Variants in AANAT observed in about 807,000 individuals in gnomAD.
AANAT encodes the protein aralkylamine N-acetyltransferase, also known as serotonin N-acetyltransferase.
Under a neutral mutation model 15.6 loss-of-function variants are expected in AANAT, and 11 were observed. The observed-to-expected ratio is 0.71, with a 90% CI of 0.44 to 1.17. The LOEUF (loss-of-function observed/expected upper bound fraction) is 1.17. Among genes scored for constraint, AANAT ranks in the 50% most tolerant of loss-of-function variants. The probability of loss-of-function intolerance (pLI) is 0.00; values close to 1 mark genes in which losing one functional copy is unlikely to be tolerated. For synonymous variants in AANAT, 139 were observed against 131.5 expected, an observed-to-expected ratio of 1.06 and a Z score of -0.39; for missense variants, 286 against 296.3, an observed-to-expected ratio of 0.97 and a Z score of 0.26.
intron 1 of AANAT, among the ~76,000 whole-genome samples, chr17:76,468,257 A>C (rs73998903): frequency 0.025 from 3,751 of 152,234 alleles, 59 homozygotes; most frequent in African/African-American, 0.036. Flanking sequence ...CCGGGCGCCC[A>C]CCCACTGCAC....
chr17:76,468,288 G>A (rs1228643874), intron 1 of AANAT, among the ~76,000 whole-genome samples: 1 of 152,192 alleles, frequency 6.6e-6, no homozygotes, highest in Non-Finnish European at 1.5e-5. Context: ...GACGTGGTCA[G>A]TGGAGGGTCA....
chr17:76,458,481 A>G (rs544132674), intron 1 of AANAT, among the ~76,000 whole-genome samples: 2 of 152,352 alleles, frequency 1.3e-5, no homozygotes, highest in Non-Finnish European at 2.9e-5. Context: ...ACCCTCTCTT[A>G]TCATGGCCCC....
chr17:76,462,669 G>C (rs1373402337), upstream of AANAT, among the ~76,000 whole-genome samples: 2 of 152,174 alleles, frequency 1.3e-5, no homozygotes, highest in Non-Finnish European at 2.9e-5. Flanking sequence ...ATCCCCCGGG[G>C]AGCCTGCCAC....
intron 1 of AANAT, among the ~76,000 whole-genome samples, chr17:76,455,891 T>G (rs1436627468): frequency 6.6e-6 from 1 of 152,148 alleles, no homozygotes; most frequent in Non-Finnish European, 1.5e-5. Context: ...CGCATGCTTG[T>G]AGTCCCAGCT....
At chr17:76,461,980 C>G (rs12946216) in intron 2 of AANAT, among the ~76,000 whole-genome samples, 1 of 151,956 alleles carries the variant, frequency 6.6e-6, no homozygotes, top group South Asian at 2.1e-4. Flanking sequence ...GAAGCGGGAG[C>G]CATCCAGGGA....
chr17:76,461,582 T>C (rs1598636915), intron 2 of AANAT, among the ~76,000 whole-genome samples: 1 of 120,028 alleles, frequency 8.3e-6, no homozygotes, highest in East Asian at 2.6e-4. Flanking sequence ...CACTCCAGCC[T>C]GGGTGACAGA....
chr17:76,456,047 C>T (rs576390805), intron 1 of AANAT, among the ~76,000 whole-genome samples: 29 of 149,824 alleles, frequency 1.9e-4, no homozygotes, highest in African/African-American at 6.6e-4. Context: ...AGAACATGCA[C>T]AAGGTCGGGC....
At chr17:76,457,020 C>T (rs958734641) in intron 1 of AANAT, among the ~76,000 whole-genome samples, 2 of 152,068 alleles carry the variant, frequency 1.3e-5, no homozygotes, top group African/African-American at 2.4e-5. Context: ...TGTCCCACGG[C>T]GGGATAAGGC....
At chr17:76,462,095 A>G (rs748294503) in intron 2 of AANAT, among the ~76,000 whole-genome samples, 2 of 152,022 alleles carry the variant, frequency 1.3e-5, no homozygotes, top group East Asian at 3.9e-4. Context: ...CTCTTCTTGC[A>G]CTGGGCCAGT....
chr17:76,470,040 C>CA lies in AANAT; in HGVS notation c.*71dup. ...CTGGGCTCCTCTTAGCTCAGCTGAG[C>CA]ATGGAGACAGCAGTTTCCAGAGAGT... On this transcript the variant is annotated 3_prime_UTR_variant, in exon 4 of 4. Transcript: ENST00000392492. 7.2e-7 allele frequency: 1 copy of CA among 1,390,560 alleles called. No individual in the cohort carries two copies. Among genetic ancestry groups the CA allele is most frequent in the Non-Finnish European group, 9.5e-7 (1 of 1,054,032 alleles). The allele number at this position is 1,390,560 out of a possible 1,614,324, so 86.1% of individuals were successfully genotyped here.
intron 1 of AANAT, among the ~76,000 whole-genome samples, chr17:76,458,865 C>A (rs569845937): frequency 6.6e-6 from 1 of 152,300 alleles, no homozygotes; most frequent in Admixed American, 6.5e-5. Flanking sequence ...CTGGGGACTT[C>A]AGCTGGGGGG....
chr17:76,465,242 T>C (rs751827473), upstream of AANAT, among the ~76,000 whole-genome samples: 47 of 151,378 alleles, frequency 3.1e-4, no homozygotes, highest in Non-Finnish European at 5.7e-4. Context: ...TTAACTGCAA[T>C]AGCAGGACAA....
intron 1 of AANAT, among the ~76,000 whole-genome samples, chr17:76,458,079 G>T (rs1464363468): frequency 6.6e-6 from 1 of 152,160 alleles, no homozygotes; most frequent in Admixed American, 6.6e-5. Context: ...GATATCAAAG[G>T]CCTGAGAACC....
At chr17:76,459,357 C>G (rs1017025802) in exon 2 of AANAT, 5 of 152,232 alleles carry the variant, frequency 3.3e-5, no homozygotes, top group African/African-American at 1.2e-4. Context: ...CTGGATGTGA[C>G]CAGCCATAGG....
upstream of AANAT, chr17:76,466,085 A>T: frequency 8.7e-7 from 1 of 1,149,840 alleles, no homozygotes. Flanking sequence ...GGCCATGTGG[A>T]AGTCAGCAAA....
At chr17:76,467,860 GCCT>G (rs1414734949) in intron 1 of AANAT, 133 bp downstream of exon 1, 2 of 501,802 alleles carry the variant, frequency 4.0e-6, no homozygotes, top group East Asian at 3.0e-4. Flanking sequence ...GGGAGGGATG[GCCT>G]CCTCTAAGAA....
At chr17:76,457,616 T>C (rs1288784197) in intron 1 of AANAT, among the ~76,000 whole-genome samples, 2 of 152,188 alleles carry the variant, frequency 1.3e-5, no homozygotes, top group Non-Finnish European at 2.9e-5. Flanking sequence ...GAGGTAAGAC[T>C]CCTTGATTTT....
Position 76,469,939 on chromosome 17 carries a change from AC to A in AANAT, c.597del (p.Phe200SerfsTer46). 1 of 1,527,130 alleles carries A rather than the reference AC, an allele frequency of 6.5e-7. No homozygotes were observed. The highest frequency in any genetic ancestry group is 2.1e-5 in the Admixed American group (1 of 47,332). 94.6% of individuals were successfully genotyped at this position (1,527,130 alleles called of 1,614,324 possible). On this transcript the variant is annotated frameshift_variant, in exon 4 of 4. Coordinates refer to ENST00000392492, the MANE Select transcript of AANAT (RefSeq NM_001088.3). LOFTEE classifies it high-confidence loss of function. This position sits in a 1 kb window ranked among gnomAD's most constrained non-coding sequence, Gnocchi z 5.2. ...FMELHCSLRG[H>X]PFLRRNSGC ...GAGCTCCACTGCTCCCTGCGGGGCC[AC>A]CCCTTCCTGCGCAGGAACAGCGGCT...
chr17:76,456,334 G>GAA (rs60616607), intron 1 of AANAT, among the ~76,000 whole-genome samples: 24 of 142,674 alleles, frequency 1.7e-4, no homozygotes, highest in Non-Finnish European at 2.6e-4. Flanking sequence ...TCCATCTCAG[G>GAA]AAAAAAAAAA....
Sources: allele counts gnomAD v4.1 joint callset (sites outside exome capture counted in the v4.1 genomes callset), GRCh38; gene constraint gnomAD v4.1.1; non-coding constraint Gnocchi (gnomAD v3.1); transcripts MANE v1.5; gene names NCBI Gene and HGNC (gene_info 2026-07-23, HGNC 2026-07-21).